The following COL25A1 variants were observed in gnomAD, a reference collection of about 807,000 sequenced individuals.
COL25A1 encodes collagen alpha-1(XXV) chain.
In COL25A1, 103 loss-of-function variants were observed where a neutral mutation model predicts 128.4. The ratio of observed to expected loss-of-function variants is 0.80; its 90% confidence interval spans 0.68 to 0.94. COL25A1 has a LOEUF of 0.94. Ranked by LOEUF, COL25A1 falls within the 40% of genes least tolerant of loss-of-function variation. The probability of loss-of-function intolerance (pLI) is 0.00; values close to 1 mark genes in which losing one functional copy is unlikely to be tolerated. For synonymous variants in COL25A1, 279 were observed against 277.2 expected (o/e 1.01, Z -0.06); for missense variants, 745 against 840.0 (o/e 0.89, Z 1.40).
intron 27 of COL25A1, among the ~76,000 whole-genome samples, chr4:108,847,102 C>T (rs1287080707): frequency 1.3e-5 from 2 of 151,958 alleles, no homozygotes; most frequent in South Asian, 2.1e-4. Context: ...GACGAGGTTT[C>T]ACCATGTTGG....
At chr4:108,870,012 G>C (rs568487191) in intron 19 of COL25A1, among the ~76,000 whole-genome samples, 75 of 152,260 alleles carry the variant, frequency 4.9e-4, no homozygotes, top group Non-Finnish European at 8.1e-4. Context: ...CAGTACTTTG[G>C]AAGGCTGAGG....
intron 11 of COL25A1, among the ~76,000 whole-genome samples, chr4:108,931,475 A>G (rs1746729574): frequency 6.6e-6 from 1 of 152,226 alleles, no homozygotes. Flanking sequence ...AGACAGAGTC[A>G]TCTACTCAGC....
chr4:108,919,196 A>G (rs909362808), intron 12 of COL25A1, among the ~76,000 whole-genome samples: 7 of 152,188 alleles, frequency 4.6e-5, no homozygotes, highest in Admixed American at 3.3e-4. Context: ...TTATAGACCA[A>G]AAACTCCCCT....
intron 3 of COL25A1, among the ~76,000 whole-genome samples, chr4:109,196,392 T>A (rs965725066): frequency 1.3e-5 from 2 of 152,144 alleles, no homozygotes; most frequent in African/African-American, 4.8e-5. Context: ...ATAACATGCA[T>A]ATGTGAATGT....
chr4:109,267,502 T>C (rs1781871998), intron 3 of COL25A1, among the ~76,000 whole-genome samples: 2 of 152,190 alleles, frequency 1.3e-5, no homozygotes, highest in African/African-American at 2.4e-5. Flanking sequence ...ATGTCTCCCA[T>C]CAAACTAAAT....
intron 6 of COL25A1, among the ~76,000 whole-genome samples, chr4:108,992,099 T>A (rs1203815440): frequency 6.6e-6 from 1 of 152,166 alleles, no homozygotes; most frequent in Non-Finnish European, 1.5e-5. Context: ...TGTGCAGTTG[T>A]CCGATGGTAC....
At position 108,827,163 on chromosome 4, in the gene COL25A1, G is replaced by C. The variant is rs768869001; in HGVS notation, c.1736C>G (p.Pro579Arg). The change falls in exon 33 of 38, where the codon CCT becomes CGT. Residue 579 changes from proline (P) to arginine (R), a missense_variant. Physicochemically the swap from Pro to Arg is moderately radical, Grantham distance 103. Transcript: ENST00000399132. ...ERGEKGAMGE[P>R]GPRGPYGLPG... is the part of the protein sequence containing the mutation. ...CAGCCCATAGGGCCCTCTTGGTCCA[G>C]GCTCTCCCATAGCTCCTTTTTCACC... The C allele has an allele frequency of 1.2e-5, 19 of 1,613,804 alleles. No individual in the cohort carries two copies. The highest frequency in any genetic ancestry group is 1.6e-5 in the Non-Finnish European group (19 of 1,179,948).
intron 8 of COL25A1, among the ~76,000 whole-genome samples, chr4:108,956,485 A>C (rs958134640): frequency 6.6e-6 from 1 of 152,216 alleles, no homozygotes; most frequent in Admixed American, 6.5e-5. Context: ...TGCTCACTGC[A>C]AACTCCACCT....
At chr4:109,054,225 C>T (rs1478983273) in intron 3 of COL25A1, among the ~76,000 whole-genome samples, 2 of 152,182 alleles carry the variant, frequency 1.3e-5, no homozygotes, top group Non-Finnish European at 2.9e-5. Context: ...CTTATAATTA[C>T]ACTATTCAAG....
At chr4:108,975,337 T>C (rs1752333757) in intron 6 of COL25A1, among the ~76,000 whole-genome samples, 1 of 152,206 alleles carries the variant, frequency 6.6e-6, no homozygotes, top group African/African-American at 2.4e-5. Flanking sequence ...ATGCCTGTGA[T>C]CCCAGCTACT....
At chr4:109,009,070 C>T (rs1028651623) in intron 6 of COL25A1, among the ~76,000 whole-genome samples, 9 of 151,972 alleles carry the variant, frequency 5.9e-5, no homozygotes, top group Non-Finnish European at 1.5e-5. Context: ...TGCAGTGAGC[C>T]GAAACTGCAC....
At chr4:109,091,155 C>G (rs930664062) in intron 3 of COL25A1, among the ~76,000 whole-genome samples, 3 of 152,158 alleles carry the variant, frequency 2.0e-5, no homozygotes, top group Non-Finnish European at 4.4e-5. Flanking sequence ...ACATCCAAAG[C>G]CTTCAATACT....
chr4:108,996,148 G>A (rs939612722), intron 6 of COL25A1, among the ~76,000 whole-genome samples: 1 of 152,082 alleles, frequency 6.6e-6, no homozygotes, highest in South Asian at 2.1e-4. Flanking sequence ...TGGGCTAAAT[G>A]CCCTAATTAA....
At chr4:109,078,958 G>A (rs1184730938) in intron 3 of COL25A1, among the ~76,000 whole-genome samples, 2 of 152,130 alleles carry the variant, frequency 1.3e-5, no homozygotes, top group Non-Finnish European at 2.9e-5. Context: ...TTACTACATG[G>A]AATGCCAAGT....
chr4:109,211,299 T>TATATATATATATATAC (rs1777521511), intron 3 of COL25A1, among the ~76,000 whole-genome samples: 2 of 45,922 alleles, frequency 4.4e-5, no homozygotes, highest in Non-Finnish European at 6.4e-5. Flanking sequence ...ACTATATATA[T>TATATATATATATATAC]ATATATATAT....
At chr4:108,925,081 T>G (rs1200329224) in intron 11 of COL25A1, among the ~76,000 whole-genome samples, 3 of 152,226 alleles carry the variant, frequency 2.0e-5, no homozygotes, top group African/African-American at 7.2e-5. Flanking sequence ...TGAATCGTTT[T>G]GAGGTTAATT....
chr4:108,884,314 T>C, intron 18 of COL25A1, 92 bp from the exon 19 acceptor site: 1 of 1,170,052 alleles, frequency 8.5e-7, no homozygotes, highest in Non-Finnish European at 1.2e-6. Flanking sequence ...GGCTCAATAC[T>C]TTCTGCAAAG....
intron 3 of COL25A1, among the ~76,000 whole-genome samples, chr4:109,073,416 C>A (rs1267209956): frequency 6.6e-6 from 1 of 152,192 alleles, no homozygotes; most frequent in Non-Finnish European, 1.5e-5. Context: ...AACTCATGTT[C>A]ATCCTTTGAG....
At chr4:109,030,641 G>A (rs2077660) in intron 5 of COL25A1, among the ~76,000 whole-genome samples, 74,394 of 151,720 alleles carry the variant, frequency 0.49, 19,940 homozygotes, top group African/African-American at 0.69. Flanking sequence ...TTTGAGGTAG[G>A]TCAAAGGCCT....
Sources: allele counts gnomAD v4.1 joint callset (sites outside exome capture counted in the v4.1 genomes callset), GRCh38; gene constraint gnomAD v4.1.1; transcripts MANE v1.5; gene names NCBI Gene and HGNC (gene_info 2026-07-23, HGNC 2026-07-21).